Variants in DNAJB1 observed in about 807,000 individuals in gnomAD.
The protein encoded by DNAJB1 is dnaJ homolog subfamily B member 1.
A neutral mutation model predicts 24.0 loss-of-function variants in DNAJB1; 14 were observed. The ratio of observed to expected loss-of-function variants is 0.58; its 90% CI spans 0.39 to 0.91. The LOEUF is 0.91. Among genes scored for constraint, DNAJB1 ranks in the 40% least tolerant of loss-of-function variants. The pLI is 0.00. For missense variants in DNAJB1, 517 were observed against 458.1 expected, an observed-to-expected ratio of 1.13 and a Z score of -1.17; for synonymous variants, 262 against 174.4, an observed-to-expected ratio of 1.50 and a Z score of -3.96.
rs750945046 is a variant in DNAJB1 at position 14,518,382 on chromosome 19, G to C, written c.-33C>G. On this transcript the variant is annotated 5_prime_UTR_variant, in exon 1 of 3. Coordinates refer to ENST00000254322, the MANE Select transcript of DNAJB1 (RefSeq NM_006145.3). ...TCCTGCGGCCCGCCGACCCGCTGTC[G>C]CCGTCCCCCGGCTCCGCCGCCGACC... 3.3e-6 allele frequency: 5 copies of C among 1,521,408 alleles called. No individual in the cohort carries two copies. Among genetic ancestry groups the C allele is most frequent in the Non-Finnish European group, 4.4e-6 (5 of 1,144,862 alleles). The allele number at this position is 1,521,408 out of a possible 1,614,324, so 94.2% of individuals were successfully genotyped here.
At chr19:14,550,529 C>T (rs1292272556), upstream of DNAJB1, among the ~76,000 whole-genome samples, 1 of 152,118 alleles carries the variant, frequency 6.6e-6, no homozygotes, top group Non-Finnish European at 1.5e-5. Context: ...TGGAGAGAGA[C>T]CCAGGTGTCG....
chr19:14,551,722 G>T (rs1250224665), upstream of DNAJB1, among the ~76,000 whole-genome samples: 3 of 152,146 alleles, frequency 2.0e-5, no homozygotes, highest in East Asian at 5.8e-4. Flanking sequence ...GAGGCTGTGG[G>T]GCAGAGGCCA....
upstream of DNAJB1, among the ~76,000 whole-genome samples, chr19:14,522,935 C>T (rs1361335855): frequency 1.3e-5 from 2 of 152,084 alleles, no homozygotes; most frequent in Admixed American, 6.6e-5. Flanking sequence ...TAGATTAGGC[C>T]GGGTGCGGTG....
chr19:14,543,419 ATTTTTTTTTTTTTTTTTTTTTTTT>A (rs1169742953), intron 1 of DNAJB1, among the ~76,000 whole-genome samples: 2 of 21,892 alleles, frequency 9.1e-5, no homozygotes, highest in South Asian at 4.6e-3. Context: ...ATATATATAT[ATTTTTTTTTTTTTTTTTTTTTTTT>A]TTTTTTTTTT....
chr19:14,520,511 C>G (rs1372968749), upstream of DNAJB1, among the ~76,000 whole-genome samples: 1 of 152,088 alleles, frequency 6.6e-6, no homozygotes, highest in African/African-American at 2.4e-5. Context: ...CTATCAGGAG[C>G]ATCCAGCAGG....
At chr19:14,549,706 A>C (rs1484140592) in intron 1 of DNAJB1, among the ~76,000 whole-genome samples, 1 of 151,820 alleles carries the variant, frequency 6.6e-6, no homozygotes, top group Non-Finnish European at 1.5e-5. Flanking sequence ...GCACTTAGGG[A>C]GGCTTAGGCG....
Position 14,516,815 on chromosome 19 carries a change from C to A in DNAJB1, c.443G>T (p.Arg148Leu), listed in dbSNP as rs200218269. 3 of 1,613,726 alleles carry A rather than the reference C, an allele frequency of 1.9e-6. No homozygotes were observed. The highest frequency in any genetic ancestry group is 1.7e-5 in the Admixed American group (1 of 60,012). Residue 148 changes from arginine to leucine, a missense_variant, in exon 2 of 3, where the codon CGC (arginine) becomes CTC (leucine). Arg to Leu is a moderately radical substitution (Grantham distance 102). Transcript: ENST00000254322. ...MGGFTNVNFG[R>L]SRSAQEPARK... ...GGCGGGCTCTTGGGCAGAGCGGGAGCGGCCAAAGTTCACGTTGGTGAAGCC... is the reference window on the plus strand; with the variant it reads ...GGCGGGCTCTTGGGCAGAGCGGGAGAGGCCAAAGTTCACGTTGGTGAAGCC...
rs569202423 is a variant in DNAJB1, at chr19:14,559,777, A to G, written c.-2166+254T>C. On this transcript the variant is annotated intron_variant, in intron 1 of 5. Transcript: ENST00000679223. ...ACTCCAACCTGGGCGACAGAGTGAG[A>G]CTCTGTCTCAAAAAAAAAAAAAAAT... 1.7e-3 allele frequency among the ~76,000 whole-genome samples: 212 copies of G among 124,100 alleles called. 5 individuals are homozygous for G. In the South Asian group the frequency reaches 0.05, roughly 29 times the overall value. 81.4% of individuals were successfully genotyped at this position (124,100 alleles called of 152,430 possible).
chr19:14,518,405 A>T (rs2072317511), upstream of DNAJB1: 1 of 1,496,252 alleles, frequency 6.7e-7, no homozygotes. Context: ...TCCGCCGCCG[A>T]CCAGTCCCGG....
At chr19:14,529,764 CT>C (rs1462951842), upstream of DNAJB1, 23 of 1,613,216 alleles carry the variant, frequency 1.4e-5, no homozygotes, top group Non-Finnish European at 1.9e-5. Context: ...ATTCTTTTTC[CT>C]TCTTTGCGGG....
At chr19:14,531,358 G>C (rs2072652282), upstream of DNAJB1, 1 of 152,000 alleles carries the variant, frequency 6.6e-6, no homozygotes, top group African/African-American at 2.4e-5. Context: ...TTGACAAGTT[G>C]AATATTACTA....
chr19:14,549,172 A>G (rs2073403741), intron 1 of DNAJB1, among the ~76,000 whole-genome samples: 1 of 145,126 alleles, frequency 6.9e-6, no homozygotes. Context: ...CTAAGCCATC[A>G]TTACCTTCAC....
intron 1 of DNAJB1, among the ~76,000 whole-genome samples, chr19:14,538,719 G>C (rs1330462532): frequency 6.6e-6 from 1 of 151,432 alleles, no homozygotes; most frequent in African/African-American, 2.4e-5. Context: ...TTTTAGTAGA[G>C]ACGGGGTTTC....
chr19:14,545,268 G>A lies in DNAJB1; in HGVS notation c.-214+4940C>T. The A allele has an allele frequency of 8.8e-6, 4 of 453,132 alleles. No homozygotes were observed. The Admixed American group carries it at 9.4e-5, about 11-fold the overall frequency. The allele number at this position is 453,132 out of a possible 1,614,324, so 28.1% of individuals were successfully genotyped here. ...ATTTACTCTGTTCCAGCCTCCGGGT[G>A]TCACCCGCTTCCCCAAAGCTCTGTG... On this transcript the variant is annotated intron_variant, in intron 1 of 3. Coordinates refer to the DNAJB1 transcript ENST00000676982.
chr19:14,533,358 T>G (rs1237851162), upstream of DNAJB1, among the ~76,000 whole-genome samples: 3 of 151,780 alleles, frequency 2.0e-5, no homozygotes, highest in Non-Finnish European at 4.4e-5. Flanking sequence ...AGGTGGAGGT[T>G]GCAGTGAGCT....
At chr19:14,553,435 G>A (rs2073608750), upstream of DNAJB1, among the ~76,000 whole-genome samples, 2 of 152,142 alleles carry the variant, frequency 1.3e-5, no homozygotes, top group Non-Finnish European at 2.9e-5. Flanking sequence ...TGCTTCCACT[G>A]TGGCGCCTCG....
At chr19:14,516,281 T>C (rs117304157) in intron 2 of DNAJB1, 111 bp from the exon 3 acceptor site, 171,353 of 1,344,822 alleles carry the variant, frequency 0.13, 12,549 homozygotes, top group Non-Finnish European at 0.15. Flanking sequence ...AGCTAAGACC[T>C]GGCCCCCAAA....
upstream of DNAJB1, among the ~76,000 whole-genome samples, chr19:14,520,097 T>C (rs760979468): frequency 6.6e-6 from 1 of 152,142 alleles, no homozygotes; most frequent in Non-Finnish European, 1.5e-5. Flanking sequence ...ATCTGCACAA[T>C]GAGGAATGAG....
chr19:14,516,152 C>T lies in DNAJB1; in HGVS notation c.811G>A (p.Val271Met). 1.2e-6 allele frequency: 2 copies of T among 1,613,494 alleles called. No homozygotes were observed. Among genetic ancestry groups the T allele is most frequent in the Non-Finnish European group, 1.7e-6 (2 of 1,179,916 alleles). Residue 271 changes from valine to methionine, a missense_variant, in exon 3 of 3, where the codon GTG becomes ATG. Physicochemically the swap from Val to Met is conservative, Grantham distance 21. Coordinates refer to ENST00000254322, the MANE Select transcript of DNAJB1 (RefSeq NM_006145.3). ...SLREALCGCTVNVPTLDGRTI... is the reference protein window; with the variant it reads ...SLREALCGCTMNVPTLDGRTI... ...CTGCCGTCCAGAGTGGGGACGTTCA[C>T]TGTGCAGCCACACAGAGCCTTGAAA...
Sources: gnomAD v4.1 joint callset for allele counts (sites outside exome capture counted in the v4.1 genomes callset) on GRCh38, gnomAD v4.1.1 for gene constraint, MANE v1.5 for transcripts, NCBI Gene and HGNC (gene_info 2026-07-23, HGNC 2026-07-21) for gene names.